ZC3H7A: variants seen among roughly 807,000 people sequenced by gnomAD.
The protein encoded by ZC3H7A is zinc finger CCCH domain-containing protein 7A.
Under a neutral mutation model 125.5 loss-of-function variants are expected in ZC3H7A, and 44 were observed. The observed-to-expected ratio is 0.35, with a 90% CI of 0.28 to 0.45. The LOEUF is 0.45. Among genes scored for constraint, ZC3H7A ranks in the 20% least tolerant of loss-of-function variants. The pLI, the probability that ZC3H7A is intolerant of heterozygous loss-of-function variation, is 1.00. For missense variants in ZC3H7A, 977 were observed against 1,170.7 expected (o/e 0.83, Z 2.41); for synonymous variants, 399 against 391.2 (o/e 1.02, Z -0.23).
intron 21 of ZC3H7A, among the ~76,000 whole-genome samples, chr16:11,755,084 C>G (rs1567371294): frequency 6.6e-6 from 1 of 151,244 alleles, no homozygotes; most frequent in Non-Finnish European, 1.5e-5. Flanking sequence ...TGGCAGGCGC[C>G]TATAATCCCT....
intron 3 of ZC3H7A, among the ~76,000 whole-genome samples, chr16:11,780,451 T>G (rs898057099): frequency 6.6e-6 from 1 of 152,282 alleles, no homozygotes; most frequent in Admixed American, 6.5e-5. Flanking sequence ...CTCTTTTTCA[T>G]CACAAGATCA....
At position 11,794,784 on chromosome 16, in the gene ZC3H7A, C is replaced by T. The variant is rs552797530; in HGVS notation, c.-35+2340G>A. ...CCACTTACAATGACAATTTAACCCA[C>T]CCCAACTGGCAGGTTTTAAAATCAG... is the stretch of plus-strand genomic sequence containing the variant. On this transcript the variant is annotated intron_variant, in intron 1 of 22. Coordinates refer to ENST00000355758, the MANE Select transcript of ZC3H7A (RefSeq NM_014153.4). Among the ~76,000 whole-genome samples, 7 of 152,332 alleles carry T rather than the reference C, an allele frequency of 4.6e-5. No homozygotes were observed. In the South Asian group the frequency reaches 1.4e-3, roughly 32 times the overall value.
At chr16:11,761,661 T>C in intron 18 of ZC3H7A, 150 bp from the exon 19 acceptor site, 1 of 875,048 alleles carries the variant, frequency 1.1e-6, no homozygotes, top group Admixed American at 2.9e-5. Flanking sequence ...TATTTTCACT[T>C]CCTATTGTCA....
At chr16:11,773,940 T>C (rs2053033492) in intron 9 of ZC3H7A, among the ~76,000 whole-genome samples, 1 of 152,138 alleles carries the variant, frequency 6.6e-6, no homozygotes, top group Non-Finnish European at 1.5e-5. Context: ...AATTCATTTT[T>C]TCTTAAATAT....
At chr16:11,755,165 A>G (rs558657969) in intron 21 of ZC3H7A, among the ~76,000 whole-genome samples, 160 of 150,266 alleles carry the variant, frequency 1.1e-3, no homozygotes, top group Non-Finnish European at 8.9e-5. Context: ...AGCCAAGACT[A>G]CCGCATTGCA....
chr16:11,764,173 G>A (rs941430120), intron 15 of ZC3H7A, among the ~76,000 whole-genome samples: 3 of 152,158 alleles, frequency 2.0e-5, no homozygotes, highest in East Asian at 1.9e-4. Flanking sequence ...AGCACTTTGC[G>A]AGGCCAAGAC....
chr16:11,763,878 A>G (rs1454775129), intron 15 of ZC3H7A, among the ~76,000 whole-genome samples: 1 of 146,584 alleles, frequency 6.8e-6, no homozygotes, highest in Non-Finnish European at 1.5e-5. Context: ...ATCTCGGCTC[A>G]CTGCAAGCTC....
rs757675453 is a variant in ZC3H7A, at chr16:11,758,543, T to C, written c.2320-4A>G. 1.9e-6 allele frequency: 3 copies of C among 1,602,968 alleles called. No individual in the cohort carries two copies. Among genetic ancestry groups the C allele is most frequent in the Non-Finnish European group, 1.7e-6 (2 of 1,171,442 alleles). On this transcript the variant is annotated splice_region_variant and splice_polypyrimidine_tract_variant and intron_variant, in intron 19 of 22. Coordinates refer to ENST00000355758, the MANE Select transcript of ZC3H7A (RefSeq NM_014153.4). ...CAGAAGCAATATGGTTGCACAGCTGTATAAAAAAATAGGAATATGATTAAG... is the reference window on the plus strand; with the variant it reads ...CAGAAGCAATATGGTTGCACAGCTGCATAAAAAAATAGGAATATGATTAAG...
intron 1 of ZC3H7A, among the ~76,000 whole-genome samples, chr16:11,789,327 A>T (rs1379081749): frequency 6.6e-6 from 1 of 151,960 alleles, no homozygotes; most frequent in African/African-American, 2.4e-5. Flanking sequence ...GCAATGGCAC[A>T]ATCTCCAGCC....
chr16:11,765,459 A>C lies in ZC3H7A; in HGVS notation c.1719+30T>G. The C allele has an allele frequency of 5.7e-6, 9 of 1,580,860 alleles. No homozygotes were observed. Among genetic ancestry groups the C allele is most frequent in the Non-Finnish European group, 7.8e-6 (9 of 1,158,992 alleles). ...CCACTGGGCTTGCAAATTCAACTTT[A>C]CAGTGGAAAATAAGTTTTGGAGAAC... On this transcript the variant is annotated intron_variant, in intron 14 of 22. Transcript: ENST00000355758. This position sits in a 1 kb window ranked among gnomAD's most constrained non-coding sequence, Gnocchi z 4.8.
chr16:11,791,723 A>G (rs763160589), intron 1 of ZC3H7A, among the ~76,000 whole-genome samples: 2 of 152,220 alleles, frequency 1.3e-5, no homozygotes, highest in Non-Finnish European at 2.9e-5. Flanking sequence ...AGCTGGTTAT[A>G]GTGGGGCTTG....
chr16:11,756,280 T>C lies in ZC3H7A; in HGVS notation c.2519A>G (p.Asn840Ser). ...EDIASQSNKE[N>S]GKQIHMPTDY... ...TGTTGGCATGTGAATTTGTTTTCCA[T>C]TTTCCTTGTTTGACTGACTGGCTAT... Residue 840 changes from asparagine to serine, a missense_variant, in exon 21 of 23, where the codon AAT (asparagine) becomes AGT (serine). This residue lies in a region of ZC3H7A where 436 missense variants were observed against 603.2 expected (regional missense o/e 0.72). Coordinates refer to ENST00000355758, the MANE Select transcript of ZC3H7A (RefSeq NM_014153.4). 6.2e-7 allele frequency: 1 copy of C among 1,614,138 alleles called. No homozygotes were observed. The highest frequency in any genetic ancestry group is 8.5e-7 in the Non-Finnish European group (1 of 1,180,014).
intron 19 of ZC3H7A, among the ~76,000 whole-genome samples, chr16:11,760,139 A>AAG (rs2052726689): frequency 1.3e-5 from 2 of 149,704 alleles, no homozygotes; most frequent in African/African-American, 4.9e-5. Context: ...AAAAAAAAAA[A>AAG]AAAAAAGAAA....
At chr16:11,796,409 T>G (rs2141228467) in intron 1 of ZC3H7A, 1 of 152,334 alleles carries the variant, frequency 6.6e-6, no homozygotes. Flanking sequence ...GCAACTCCTT[T>G]TCATCCCTAG....
chr16:11,756,202 C>T (rs946078603), intron 21 of ZC3H7A, 35 bp downstream of exon 21: 28 of 1,583,122 alleles, frequency 1.8e-5, no homozygotes, highest in East Asian at 4.5e-5. Flanking sequence ...ATCAATGGCT[C>T]GGCAAAGAGA....
Position 11,765,217 on chromosome 16 carries a change from T to A in ZC3H7A, c.1720-64A>T. The A allele has an allele frequency of 9.5e-7, 1 of 1,055,280 alleles. No homozygotes were observed. The highest frequency in any genetic ancestry group is 1.3e-6 in the Non-Finnish European group (1 of 749,830). The allele number at this position is 1,055,280 out of a possible 1,614,324, so 65.4% of individuals were successfully genotyped here. A position where few individuals can be genotyped will look rare whatever the true frequency, so the allele number is the denominator to read the frequency against. ...AATATAAATTTTGTACCCAGAATAT[T>A]GTCCTAGTTTCAATATCATTACAAA... On this transcript the variant is annotated intron_variant, in intron 14 of 22. Coordinates refer to ENST00000355758, the MANE Select transcript of ZC3H7A (RefSeq NM_014153.4). This position sits in a 1 kb window ranked among gnomAD's most constrained non-coding sequence, Gnocchi z 4.8.
chr16:11,754,783 A>T (rs1030616797), intron 21 of ZC3H7A, among the ~76,000 whole-genome samples: 5 of 151,078 alleles, frequency 3.3e-5, no homozygotes, highest in Admixed American at 6.6e-5. Context: ...TCCCAGCTAC[A>T]CGGGAGGCTG....
intron 11 of ZC3H7A, 132 bp downstream of exon 11, chr16:11,768,899 T>C: frequency 1.1e-6 from 1 of 875,360 alleles, no homozygotes; most frequent in African/African-American, 1.7e-5. Context: ...CCAGAAGTCT[T>C]ACTTTAACAC....
chr16:11,786,402 GGGAATTGGTTTGAGGTTGACT>G (rs770613421), intron 1 of ZC3H7A, among the ~76,000 whole-genome samples: 82 of 152,308 alleles, frequency 5.4e-4, no homozygotes, highest in Non-Finnish European at 7.9e-4. Context: ...AGCCAAGGTA[GGGAATTGGTTTGAGGTTGACT>G]CAAAAAGTTA....
Sources: gnomAD v4.1 joint callset for allele counts (sites outside exome capture counted in the v4.1 genomes callset) on GRCh38, gnomAD v4.1.1 for gene constraint, gnomAD v4.1.1 regional missense constraint, Gnocchi (gnomAD v3.1) non-coding constraint, MANE v1.5 for transcripts, NCBI Gene and HGNC (gene_info 2026-07-23, HGNC 2026-07-21) for gene names.